The following PKHD1 variants were observed in gnomAD, a reference collection of about 807,000 sequenced individuals.
The protein encoded by PKHD1 is fibrocystin.
PKHD1 carries 291 observed loss-of-function variants against 412.0 expected under a neutral mutation model. That is an observed-to-expected ratio of 0.71 (90% CI 0.64 to 0.78). The LOEUF (loss-of-function observed/expected upper bound fraction) is 0.78. PKHD1 is among the 30% of genes least tolerant of loss of function. The pLI, the probability that PKHD1 is intolerant of heterozygous loss-of-function variation, is 0.00. For missense variants in PKHD1, 4,825 were observed against 4,950.7 expected (o/e 0.97, Z 0.76); for synonymous variants, 1,777 against 1,821.5 (o/e 0.98, Z 0.62).
intron 60 of PKHD1, among the ~76,000 whole-genome samples, chr6:51,733,608 A>G (rs1256000): frequency 0.96 from 146,306 of 151,726 alleles, 70,746 homozygotes; most frequent in East Asian, 1. Flanking sequence ...AACATAAGCC[A>G]GTCTAAAAAG....
chr6:51,948,045 T>C (rs1236497107), intron 36 of PKHD1, among the ~76,000 whole-genome samples: 1 of 152,138 alleles, frequency 6.6e-6, no homozygotes, highest in Non-Finnish European at 1.5e-5. Flanking sequence ...GGAAATTGTA[T>C]GCATTCCACC....
intron 64 of PKHD1, among the ~76,000 whole-genome samples, chr6:51,637,855 G>C (rs1479506465): frequency 6.6e-6 from 1 of 152,028 alleles, no homozygotes. Flanking sequence ...AGTGAGCCGA[G>C]ATTGTGCCAC....
intron 24 of PKHD1, among the ~76,000 whole-genome samples, chr6:52,045,643 C>A (rs1359316727): frequency 6.6e-6 from 1 of 152,168 alleles, no homozygotes; most frequent in Non-Finnish European, 1.5e-5. Flanking sequence ...ACAGCAAATT[C>A]TTTTCTAAAA....
chr6:51,630,958 G>A (rs1767851670), intron 65 of PKHD1, among the ~76,000 whole-genome samples: 1 of 152,106 alleles, frequency 6.6e-6, no homozygotes, highest in South Asian at 2.1e-4. Flanking sequence ...GGTTGAAAGA[G>A]GAAAAGGAAG....
chr6:52,026,202 G>A, intron 31 of PKHD1, 21 bp from the exon 32 acceptor site: 2 of 1,608,722 alleles, frequency 1.2e-6, no homozygotes, highest in African/African-American at 2.7e-5. Context: ...AATACGGAAA[G>A]CAAAATATTA....
At chr6:51,917,277 C>CA (rs922254355) in intron 37 of PKHD1, among the ~76,000 whole-genome samples, 29 of 151,332 alleles carry the variant, frequency 1.9e-4, no homozygotes, top group African/African-American at 3.6e-4. Flanking sequence ...AAGGAACTTA[C>CA]AAAAAAAACT....
At chr6:51,697,452 C>T (rs1778935831) in intron 60 of PKHD1, among the ~76,000 whole-genome samples, 1 of 152,194 alleles carries the variant, frequency 6.6e-6, no homozygotes. Flanking sequence ...AACACATTCT[C>T]CTCACTTCAG....
At chr6:51,650,685 C>T (rs1010659568) in intron 61 of PKHD1, among the ~76,000 whole-genome samples, 1 of 152,018 alleles carries the variant, frequency 6.6e-6, no homozygotes, top group South Asian at 2.1e-4. Flanking sequence ...ATTTTCTTCT[C>T]CCCTGGGAAT....
intron 35 of PKHD1, among the ~76,000 whole-genome samples, chr6:51,990,198 A>AT (rs1415076661): frequency 6.6e-6 from 1 of 151,718 alleles, no homozygotes; most frequent in Admixed American, 6.6e-5. Flanking sequence ...TCTATCAAAG[A>AT]TTTTTTTAAA....
At chr6:51,704,739 T>C (rs1034331282) in intron 60 of PKHD1, among the ~76,000 whole-genome samples, 1 of 152,020 alleles carries the variant, frequency 6.6e-6, no homozygotes, top group Non-Finnish European at 1.5e-5. Context: ...AGATGTTGTC[T>C]AGGTAAAATA....
chr6:52,054,276 G>T, intron 19 of PKHD1, 111 bp from the exon 20 acceptor site: 1 of 983,546 alleles, frequency 1.0e-6, no homozygotes. Context: ...CTCTGAGAGA[G>T]TCAGCACAGT....
At chr6:51,848,800 A>G (rs1771667537) in intron 49 of PKHD1, among the ~76,000 whole-genome samples, 1 of 152,110 alleles carries the variant, frequency 6.6e-6, no homozygotes, top group Non-Finnish European at 1.5e-5. Context: ...GTATGATAAG[A>G]TAGGAAGAAA....
chr6:51,802,657 A>G (rs970037089), intron 52 of PKHD1, among the ~76,000 whole-genome samples: 1 of 151,644 alleles, frequency 6.6e-6, no homozygotes, highest in African/African-American at 2.4e-5. Flanking sequence ...TACCCTGAAT[A>G]GAAAAATATG....
intron 34 of PKHD1, among the ~76,000 whole-genome samples, chr6:52,017,052 G>T (rs908527853): frequency 2.0e-5 from 3 of 152,122 alleles, no homozygotes; most frequent in Non-Finnish European, 2.9e-5. Context: ...GGAAAGAAAA[G>T]AAAAAGGAAA....
At chr6:51,906,638 A>T (rs1782143691) in intron 40 of PKHD1, among the ~76,000 whole-genome samples, 1 of 152,164 alleles carries the variant, frequency 6.6e-6, no homozygotes, top group South Asian at 2.1e-4. Context: ...CCAACTGGCT[A>T]TCATCTTTAG....
At position 52,043,235 on chromosome 6, in the gene PKHD1, C is replaced by T. The variant is rs567007318; in HGVS notation, c.2822-101G>A. 1.7e-4 allele frequency: 157 copies of T among 929,878 alleles called. 1 individual carries two copies. Among genetic ancestry groups the T allele is most frequent in the Non-Finnish European group, 2.1e-4 (132 of 621,504 alleles). The allele number at this position is 929,878 out of a possible 1,614,324, so 57.6% of individuals were successfully genotyped here. A position where few individuals can be genotyped will look rare whatever the true frequency, so the allele number is the denominator to read the frequency against. ...CTATCATCAAATGTTCCTTCTCTGC[C>T]CCCATCCCCTCCCAAAATTCAAGGA... On this transcript the variant is annotated intron_variant, in intron 26 of 66. Transcript: ENST00000371117.
intron 29 of PKHD1, among the ~76,000 whole-genome samples, chr6:52,030,072 T>G (rs931926087): frequency 2.0e-5 from 3 of 152,188 alleles, no homozygotes; most frequent in Non-Finnish European, 4.4e-5. Context: ...GGCTAAAGCA[T>G]CTCTAGCTCC....
intron 26 of PKHD1, 127 bp from the exon 27 acceptor site, chr6:52,043,261 G>A (rs374568657): frequency 4.2e-6 from 3 of 706,660 alleles, no homozygotes; most frequent in Admixed American, 2.6e-5. Flanking sequence ...AATTCAAGGA[G>A]CTGAATGCTG....
chr6:51,815,742 G>A (rs559105108), intron 52 of PKHD1, among the ~76,000 whole-genome samples: 1 of 152,228 alleles, frequency 6.6e-6, no homozygotes, highest in African/African-American at 2.4e-5. Flanking sequence ...CAAGGCCTCA[G>A]AAAAATTAAA....
Sources: gnomAD v4.1 joint callset for allele counts (sites outside exome capture counted in the v4.1 genomes callset) on GRCh38, gnomAD v4.1.1 for gene constraint, MANE v1.5 for transcripts, NCBI Gene and HGNC (gene_info 2026-07-23, HGNC 2026-07-21) for gene names.